CAMTA1: variants seen among roughly 807,000 people sequenced by gnomAD.
CAMTA1 encodes calmodulin binding transcription activator 1.
CAMTA1 carries 27 observed loss-of-function variants against 170.9 expected under a neutral mutation model. That is an observed-to-expected ratio of 0.16 (90% CI 0.12 to 0.22). CAMTA1 has a LOEUF of 0.22. Ranked by LOEUF, CAMTA1 falls within the 10% of genes least tolerant of loss-of-function variation. The probability of loss-of-function intolerance (pLI) is 1.00; values close to 1 mark genes in which losing one functional copy is unlikely to be tolerated. For synonymous variants in CAMTA1, 833 were observed against 891.5 expected (o/e 0.93, Z 1.17); for missense variants, 1,619 against 2,217.2 (o/e 0.73, Z 5.42).
At chr1:6,813,988 T>C (rs769642987) in intron 1 of CAMTA1, among the ~76,000 whole-genome samples, 1 of 152,190 alleles carries the variant, frequency 6.6e-6, no homozygotes, top group Non-Finnish European at 1.5e-5. Context: ...GTTATTAATT[T>C]ATGAATTCTA....
chr1:6,858,827 A>G (rs913850383), intron 3 of CAMTA1, among the ~76,000 whole-genome samples: 1 of 152,206 alleles, frequency 6.6e-6, no homozygotes, highest in Non-Finnish European at 1.5e-5. Flanking sequence ...CTGACTGTGC[A>G]GTATAGAGCA....
At chr1:7,070,982 G>C (rs1638566085) in intron 3 of CAMTA1, among the ~76,000 whole-genome samples, 1 of 152,220 alleles carries the variant, frequency 6.6e-6, no homozygotes, top group Non-Finnish European at 1.5e-5. Flanking sequence ...TTTAAAGAGG[G>C]ACAGTCTGAG....
intron 4 of CAMTA1, among the ~76,000 whole-genome samples, chr1:7,222,501 C>T (rs1660972301): frequency 1.3e-5 from 2 of 152,186 alleles, no homozygotes; most frequent in African/African-American, 4.8e-5. Context: ...CCCTCCCTGG[C>T]TCTACATCAC....
intron 6 of CAMTA1, among the ~76,000 whole-genome samples, chr1:7,544,813 G>A (rs1384441321): frequency 6.6e-6 from 1 of 152,180 alleles, no homozygotes; most frequent in African/African-American, 2.4e-5. Flanking sequence ...CACGTGGCAA[G>A]AGAGGAAGCA....
intron 5 of CAMTA1, among the ~76,000 whole-genome samples, chr1:7,380,425 T>C (rs1179431063): frequency 1.3e-5 from 2 of 152,062 alleles, no homozygotes; most frequent in Non-Finnish European, 2.9e-5. Context: ...AAATACAAAA[T>C]TAGCCAGGCG....
chr1:7,465,695 C>A (rs1440735336), intron 5 of CAMTA1, among the ~76,000 whole-genome samples: 2 of 152,110 alleles, frequency 1.3e-5, no homozygotes, highest in East Asian at 3.8e-4. Context: ...TGTTAGGAGG[C>A]TTCAGGGGAA....
In CAMTA1 at chr1:7,435,477, C is replaced by T. The variant is rs550117469; in HGVS notation, c.439-32353C>T. Reference sequence around the variant, plus strand: ...ATTCCTGTTTTGAAACAGAACCTTCCGGTTTGTTGAGGGTTGGGTCATCAT... The same window carrying T: ...ATTCCTGTTTTGAAACAGAACCTTCTGGTTTGTTGAGGGTTGGGTCATCAT... On this transcript the variant is annotated intron_variant, in intron 5 of 22. Coordinates refer to ENST00000303635, the MANE Select transcript of CAMTA1 (RefSeq NM_015215.4). The surrounding 1 kb of genome is among the most constrained non-coding windows in gnomAD (Gnocchi z 4.4). Among the ~76,000 whole-genome samples the T allele has an allele frequency of 7.2e-5, 11 of 152,276 alleles. No homozygotes were observed. Among genetic ancestry groups the T allele is most frequent in the South Asian group, 2.1e-4 (1 of 4,828 alleles).
intron 5 of CAMTA1, among the ~76,000 whole-genome samples, chr1:7,360,371 C>T (rs1325406347): frequency 6.6e-6 from 1 of 152,142 alleles, no homozygotes. Flanking sequence ...AGGACAGGAC[C>T]CCTACACTGA....
At chr1:7,236,079 C>T (rs917962195) in intron 4 of CAMTA1, among the ~76,000 whole-genome samples, 2 of 152,118 alleles carry the variant, frequency 1.3e-5, no homozygotes, top group Admixed American at 6.5e-5. Flanking sequence ...GGGGAGGACA[C>T]GGAATGCTTG....
chr1:7,737,759 A>T lies in CAMTA1; in HGVS notation c.3658+189A>T, dbSNP rs74560347. On this transcript the variant is annotated intron_variant, in intron 15 of 22. Transcript: ENST00000303635. ...TACAGAAGAAAGTAGCAAAAATTCTATGTTCATGCAAGAAATACATAATTT... is the reference window on the plus strand; with the variant it reads ...TACAGAAGAAAGTAGCAAAAATTCTTTGTTCATGCAAGAAATACATAATTT... Among the ~76,000 whole-genome samples, 246 of 152,300 alleles carry T rather than the reference A, an allele frequency of 1.6e-3. 1 individual carries two copies. The highest frequency in any genetic ancestry group is 1.3e-3 in the East Asian group (7 of 5,186).
chr1:7,142,265 A>G (rs992074104), intron 4 of CAMTA1: 6 of 454,938 alleles, frequency 1.3e-5, no homozygotes, highest in African/African-American at 8.1e-5. Context: ...CTTTCTTTCA[A>G]CTCTGCTAAG....
intron 5 of CAMTA1, among the ~76,000 whole-genome samples, chr1:7,282,529 G>A (rs1671670351): frequency 6.6e-6 from 1 of 152,118 alleles, no homozygotes; most frequent in Admixed American, 6.5e-5. Context: ...TTTGATGACA[G>A]TTCATTTCAG....
rs747695618 is a variant in CAMTA1, at chr1:7,640,377, G to T, written c.511-23G>T. On this transcript the variant is annotated intron_variant, in intron 6 of 22. Coordinates refer to ENST00000303635, the MANE Select transcript of CAMTA1 (RefSeq NM_015215.4). ...GTGGGCTCCATGCCACCCTCATGCTGCCAGTCTCTGCTCTCCCCACAGAAC... is the reference window on the plus strand; with the variant it reads ...GTGGGCTCCATGCCACCCTCATGCTTCCAGTCTCTGCTCTCCCCACAGAAC... 1.9e-6 allele frequency: 3 copies of T among 1,612,382 alleles called. No individual in the cohort carries two copies. The Admixed American group carries it at 5.0e-5, about 27-fold the overall frequency.
chr1:7,022,564 C>G (rs1701509992), intron 3 of CAMTA1, among the ~76,000 whole-genome samples: 1 of 152,238 alleles, frequency 6.6e-6, no homozygotes, highest in South Asian at 2.1e-4. Context: ...TTGGCACCTT[C>G]TGAAATCCTA....
Position 7,093,077 on chromosome 1 carries a change from C to T in CAMTA1, c.302+1706C>T, listed in dbSNP as rs577125162. Among the ~76,000 whole-genome samples, 24 of 152,288 alleles carry T rather than the reference C, an allele frequency of 1.6e-4. No individual in the cohort carries two copies. Among genetic ancestry groups the T allele is most frequent in the African/African-American group, 3.9e-4 (16 of 41,550 alleles). ...AATACAGTGCACTATTTGGTGAATA[C>T]GGCCATGTTAAACTAGAGAGCCTGA... On this transcript the variant is annotated intron_variant, in intron 4 of 22. Transcript: ENST00000303635. The surrounding 1 kb of genome is among the most constrained non-coding windows in gnomAD (Gnocchi z 4.6).
At chr1:7,107,685 GGC>G (rs1643748927) in intron 4 of CAMTA1, among the ~76,000 whole-genome samples, 2 of 152,170 alleles carry the variant, frequency 1.3e-5, no homozygotes, top group Non-Finnish European at 2.9e-5. Flanking sequence ...GGCTCAGCCA[GGC>G]AGAGCTGTCT....
intron 4 of CAMTA1, among the ~76,000 whole-genome samples, chr1:7,177,028 T>C (rs1042923195): frequency 1.3e-5 from 2 of 151,944 alleles, no homozygotes; most frequent in Non-Finnish European, 2.9e-5. Flanking sequence ...GGCTGGGCAA[T>C]AGACCATGCC....
chr1:6,823,810 T>A (rs184293857), intron 2 of CAMTA1, among the ~76,000 whole-genome samples: 66 of 152,314 alleles, frequency 4.3e-4, no homozygotes, highest in African/African-American at 1.5e-3. Flanking sequence ...AAAGATATTG[T>A]TGTATTTCAC....
intron 6 of CAMTA1, among the ~76,000 whole-genome samples, chr1:7,550,114 G>A (rs184341340): frequency 6.6e-6 from 1 of 152,212 alleles, no homozygotes; most frequent in African/African-American, 2.4e-5. Context: ...GTTTCTGGGA[G>A]GGGCTGGAGT....
Sources: allele counts gnomAD v4.1 joint callset (sites outside exome capture counted in the v4.1 genomes callset), GRCh38; gene constraint gnomAD v4.1.1; non-coding constraint Gnocchi (gnomAD v3.1); transcripts MANE v1.5; gene names NCBI Gene and HGNC (gene_info 2026-07-23, HGNC 2026-07-21).